The following TUB variants were observed in gnomAD, a reference collection of about 807,000 sequenced individuals.
TUB encodes the protein TUB bipartite transcription factor.
TUB carries 33 observed loss-of-function variants against 59.7 expected under a neutral mutation model. The observed-to-expected ratio is 0.55, with a 90% CI of 0.42 to 0.74. TUB has a LOEUF of 0.74. TUB is among the 30% of genes least tolerant of loss of function. TUB has a pLI of 0.00. For synonymous variants in TUB, 293 were observed against 256.4 expected (o/e 1.14, Z -1.36); for missense variants, 659 against 672.0 (o/e 0.98, Z 0.21).
intron 8 of TUB, among the ~76,000 whole-genome samples, chr11:8,098,175 T>C (rs2133884619): frequency 6.6e-6 from 1 of 151,896 alleles, no homozygotes; most frequent in Middle Eastern, 3.4e-3. Context: ...GAGTGAGCTC[T>C]TGAGGGAAGA....
intron 2 of TUB, among the ~76,000 whole-genome samples, chr11:8,071,619 A>G (rs1943361481): frequency 6.6e-6 from 1 of 152,182 alleles, no homozygotes; most frequent in Non-Finnish European, 1.5e-5. Context: ...TATGAGATTC[A>G]TGTCCTTCAC....
At chr11:8,090,327 ATGCCCAGGCTG>A (rs2133834443) in intron 3 of TUB, 96 bp downstream of exon 3, 1 of 1,486,718 alleles carries the variant, frequency 6.7e-7, no homozygotes, top group Admixed American at 2.1e-5. Context: ...CTGACGGGGG[ATGCCCAGGCTG>A]TGTATGGCTT....
chr11:8,089,319 C>T (rs79160145), intron 1 of TUB, among the ~76,000 whole-genome samples: 336 of 152,236 alleles, frequency 2.2e-3, no homozygotes, highest in African/African-American at 7.8e-3. Flanking sequence ...CAGTCAGGCC[C>T]GGCCCTGCTC....
At chr11:8,037,015 T>A (rs986343166), upstream of TUB, among the ~76,000 whole-genome samples, 1 of 152,236 alleles carries the variant, frequency 6.6e-6, no homozygotes, top group Admixed American at 6.5e-5. Flanking sequence ...GCATTGGCTT[T>A]GAGATGTCCT....
At chr11:8,025,099 AAG>A (rs1389141156) in intron 1 of TUB, among the ~76,000 whole-genome samples, 1 of 152,222 alleles carries the variant, frequency 6.6e-6, no homozygotes, top group Non-Finnish European at 1.5e-5. Context: ...GAATGAAACA[AAG>A]TCTGTGGTCT....
chr11:8,087,244 C>T (rs2133826938), intron 1 of TUB, among the ~76,000 whole-genome samples: 1 of 152,356 alleles, frequency 6.6e-6, no homozygotes, highest in African/African-American at 2.4e-5. Context: ...TCTTACCTCT[C>T]AGCTGGATGT....
Position 8,105,441 on chromosome 11 carries a change from G to GTCATC in TUB, c.*3827_*3831dup, listed in dbSNP as rs969077962. ...AGTTTATGGCCACCTGGAATTTTCAGTCATCTCATGATACAGGCGGGAGGG... is the reference window on the plus strand; with the variant it reads ...AGTTTATGGCCACCTGGAATTTTCAGTCATCTCATCTCATGATACAGGCGGGAGGG... On this transcript the variant is annotated 3_prime_UTR_variant, in exon 12 of 12. Transcript: ENST00000299506. The GTCATC allele has an allele frequency of 1.3e-5, 2 of 151,196 alleles. No homozygotes were observed. Among genetic ancestry groups the GTCATC allele is most frequent in the African/African-American group, 4.9e-5 (2 of 41,222 alleles). 9.4% of individuals were successfully genotyped at this position (151,196 alleles called of 1,614,324 possible). A position where few individuals can be genotyped will look rare whatever the true frequency, so the allele number is the denominator to read the frequency against.
chr11:8,065,649 C>A (rs1184049231), intron 2 of TUB, among the ~76,000 whole-genome samples: 1 of 152,118 alleles, frequency 6.6e-6, no homozygotes, highest in Non-Finnish European at 1.5e-5. Flanking sequence ...CCCAAATAGG[C>A]CTCCACTCTA....
At chr11:8,019,998 T>TC (rs1942398710) in intron 1 of TUB, among the ~76,000 whole-genome samples, 1 of 152,064 alleles carries the variant, frequency 6.6e-6, no homozygotes, top group East Asian at 1.9e-4. Context: ...GGAGCTGCGC[T>TC]CCCCACGCAC....
intron 2 of TUB, among the ~76,000 whole-genome samples, chr11:8,065,981 T>C (rs965370841): frequency 6.6e-6 from 1 of 152,204 alleles, no homozygotes; most frequent in African/African-American, 2.4e-5. Flanking sequence ...GTGAAGCGTT[T>C]CTCTCTGTGA....
At chr11:8,050,239 T>C (rs1942912037) in intron 2 of TUB, among the ~76,000 whole-genome samples, 1 of 152,244 alleles carries the variant, frequency 6.6e-6, no homozygotes, top group Non-Finnish European at 1.5e-5. Flanking sequence ...CTACCGTTCA[T>C]GGACATTTGG....
chr11:8,081,599 G>T, intron 1 of TUB, 51 bp downstream of exon 1: 2 of 1,477,250 alleles, frequency 1.4e-6, no homozygotes, highest in Non-Finnish European at 1.8e-6. Context: ...CGGGACGTGA[G>T]CTGGCTGGGG....
At chr11:8,086,742 G>A (rs1331739587) in intron 1 of TUB, among the ~76,000 whole-genome samples, 9 of 152,164 alleles carry the variant, frequency 5.9e-5, no homozygotes, top group East Asian at 1.9e-4. Flanking sequence ...CCCGGTGGCC[G>A]CCCCCCAGCT....
At chr11:8,052,465 C>CTTTTTTT (rs11290658) in intron 2 of TUB, among the ~76,000 whole-genome samples, 2 of 85,304 alleles carry the variant, frequency 2.3e-5, no homozygotes, top group Non-Finnish European at 4.2e-5. Flanking sequence ...TGAATAGGAC[C>CTTTTTTT]TTTTTTTTTT....
chr11:8,024,480 C>T (rs567579502), intron 1 of TUB, among the ~76,000 whole-genome samples: 50 of 152,080 alleles, frequency 3.3e-4, no homozygotes, highest in African/African-American at 1.1e-3. Flanking sequence ...ATCTGCACCC[C>T]GTGTGTTATG....
intron 1 of TUB, 143 bp from the exon 2 acceptor site, chr11:8,089,467 T>C: frequency 1.0e-6 from 1 of 985,700 alleles, no homozygotes; most frequent in Non-Finnish European, 1.6e-6. Flanking sequence ...CCACCCTTCC[T>C]CCTTCTACCA....
rs548101371 is a variant in TUB, at chr11:8,049,533, C to A, written c.203+9841C>A. On this transcript the variant is annotated intron_variant, in intron 2 of 12. Coordinates refer to the TUB transcript ENST00000305253. ...TATTGCCCAGGCCACCTTCACAGCACCTTTTAGAACCATGGTGGTATTATG... is the reference window on the plus strand; with the variant it reads ...TATTGCCCAGGCCACCTTCACAGCAACTTTTAGAACCATGGTGGTATTATG... Among the ~76,000 whole-genome samples, 18 of 144,112 alleles carry A rather than the reference C, an allele frequency of 1.2e-4. No individual in the cohort carries two copies. The South Asian group carries it at 4.0e-3, about 32-fold the overall frequency. 94.5% of individuals were successfully genotyped at this position (144,112 alleles called of 152,430 possible). A position where few individuals can be genotyped will look rare whatever the true frequency, so the allele number is the denominator to read the frequency against.
At chr11:8,095,414 C>A in intron 4 of TUB, 84 bp from the exon 5 acceptor site, 1 of 1,434,880 alleles carries the variant, frequency 7.0e-7, no homozygotes. Context: ...CCCACTCTTC[C>A]CTCATCCCCT....
At chr11:8,089,733 G>C (rs1315633386) in intron 2 of TUB, 72 bp downstream of exon 2, 1 of 1,579,134 alleles carries the variant, frequency 6.3e-7, no homozygotes, top group African/African-American at 1.3e-5. Context: ...GGGCAGGGCT[G>C]TCCATCTTCC....
Sources: gnomAD v4.1 joint callset for allele counts (sites outside exome capture counted in the v4.1 genomes callset) on GRCh38, gnomAD v4.1.1 for gene constraint, MANE v1.5 for transcripts, NCBI Gene and HGNC (gene_info 2026-07-23, HGNC 2026-07-21) for gene names.